ARMC3: variants seen among roughly 807,000 people sequenced by gnomAD.
ARMC3 encodes armadillo repeat-containing protein 3.
A neutral mutation model predicts 90.3 loss-of-function variants in ARMC3; 74 were observed. The ratio of observed to expected loss-of-function variants is 0.82; its 90% confidence interval spans 0.68 to 0.99. The LOEUF is 0.99. Among genes scored for constraint, ARMC3 ranks in the 50% least tolerant of loss-of-function variants. The pLI is 0.00. For missense variants in ARMC3, 958 were observed against 1,042.8 expected (o/e 0.92, Z 1.12); for synonymous variants, 334 against 361.8 (o/e 0.92, Z 0.87).
intron 10 of ARMC3, among the ~76,000 whole-genome samples, chr10:22,990,997 T>A (rs909541304): frequency 3.3e-5 from 5 of 152,028 alleles, no homozygotes; most frequent in African/African-American, 1.2e-4. Context: ...TGCCTCCTCC[T>A]CTCTGCTTCC....
intron 7 of ARMC3, among the ~76,000 whole-genome samples, chr10:22,964,751 T>G (rs77223754): frequency 1.4e-3 from 178 of 129,390 alleles, no homozygotes; most frequent in African/African-American, 6.5e-3. Context: ...CCCCGTAGTG[T>G]TTTTTTTTTT....
At chr10:22,962,877 T>C (rs1289648446) in intron 7 of ARMC3, among the ~76,000 whole-genome samples, 1 of 152,220 alleles carries the variant, frequency 6.6e-6, no homozygotes, top group African/African-American at 2.4e-5. Flanking sequence ...GGCACAAGCA[T>C]GTTCCCAGCC....
At chr10:22,943,701 G>T (rs376085289) in intron 2 of ARMC3, among the ~76,000 whole-genome samples, 7 of 152,084 alleles carry the variant, frequency 4.6e-5, no homozygotes, top group African/African-American at 1.7e-4. Context: ...GGGAGGCTGA[G>T]GCAGGTGGAT....
Position 22,981,375 on chromosome 10 carries a change from GAA to G in ARMC3, c.955_956del (p.Lys319ValfsTer9). 1 of 1,611,030 alleles carries G rather than the reference GAA, an allele frequency of 6.2e-7. No homozygotes were observed. Among genetic ancestry groups the G allele is most frequent in the Non-Finnish European group, 8.5e-7 (1 of 1,179,222 alleles). On this transcript the variant is annotated frameshift_variant, in exon 9 of 19. Transcript: ENST00000298032. LOFTEE classifies it high-confidence loss of function. ...AAAACTTTTTCATGAACAAGAGGTTGAAAAGTGCCTTGTAGCCCTTTTGGGTT... is the reference window on the plus strand; with the variant it reads ...AAAACTTTTTCATGAACAAGAGGTTGAAGTGCCTTGTAGCCCTTTTGGGTT... ...NRKLFHEQEV[E>X]KCLVALLGSE...
At position 22,956,851 on chromosome 10, in the gene ARMC3, T is replaced by G. The variant is rs73600582; in HGVS notation, c.292+919T>G. Reference sequence around the variant, plus strand: ...AATAACGTATTAGTATCATATAATATGATGGTATAATATTAGTTAAAAGAT... The same window carrying G: ...AATAACGTATTAGTATCATATAATAGGATGGTATAATATTAGTTAAAAGAT... On this transcript the variant is annotated intron_variant, in intron 4 of 18. Coordinates refer to ENST00000298032, the MANE Select transcript of ARMC3 (RefSeq NM_173081.5). Among the ~76,000 whole-genome samples the G allele has an allele frequency of 3.7e-3, 561 of 149,938 alleles. 3 individuals are homozygous for G. The highest frequency in any genetic ancestry group is 0.012 in the African/African-American group (474 of 41,104).
At chr10:23,023,231 C>A (rs547562963) in intron 16 of ARMC3, among the ~76,000 whole-genome samples, 16 of 152,230 alleles carry the variant, frequency 1.1e-4, no homozygotes, top group African/African-American at 3.6e-4. Flanking sequence ...CCAGGAGGGA[C>A]CAGTGGGAGT....
chr10:22,941,561 G>C (rs1413935513), intron 2 of ARMC3, among the ~76,000 whole-genome samples: 2 of 152,118 alleles, frequency 1.3e-5, no homozygotes, highest in African/African-American at 4.8e-5. Flanking sequence ...ACTTAATAGG[G>C]ATTCAATAAA....
intron 2 of ARMC3, among the ~76,000 whole-genome samples, chr10:22,932,352 G>T (rs937072462): frequency 1.3e-5 from 2 of 152,122 alleles, no homozygotes; most frequent in Non-Finnish European, 2.9e-5. Flanking sequence ...ATTTACATTT[G>T]CCAGCCTCTC....
chr10:23,004,436 G>T (rs1225919491), intron 13 of ARMC3, among the ~76,000 whole-genome samples: 2 of 149,430 alleles, frequency 1.3e-5, no homozygotes, highest in African/African-American at 4.9e-5. Context: ...AAAGGAAAAG[G>T]AAAAAAAAAA....
At chr10:22,934,956 G>A (rs1834057814) in intron 2 of ARMC3, among the ~76,000 whole-genome samples, 2 of 152,286 alleles carry the variant, frequency 1.3e-5, no homozygotes, top group South Asian at 4.1e-4. Context: ...CTGGTGTGTG[G>A]CCATCATGAT....
intron 10 of ARMC3, among the ~76,000 whole-genome samples, chr10:22,987,828 T>C (rs999949323): frequency 6.6e-6 from 1 of 152,240 alleles, no homozygotes; most frequent in Non-Finnish European, 1.5e-5. Flanking sequence ...ATGACAGCAG[T>C]GACCCAAGAA....
intron 7 of ARMC3, among the ~76,000 whole-genome samples, chr10:22,964,691 T>C (rs1289521757): frequency 6.6e-6 from 1 of 151,996 alleles, no homozygotes; most frequent in Non-Finnish European, 1.5e-5. Flanking sequence ...TCCTCCTGCC[T>C]TGGCTTCCCA....
At chr10:23,008,400 T>G in intron 15 of ARMC3, 26 bp downstream of exon 15, 1 of 1,202,496 alleles carries the variant, frequency 8.3e-7, no homozygotes, top group Non-Finnish European at 1.2e-6. Flanking sequence ...TTTATCTGTA[T>G]GCAAACAGCT....
chr10:22,944,685 T>C (rs1834456995), intron 2 of ARMC3, among the ~76,000 whole-genome samples: 1 of 152,208 alleles, frequency 6.6e-6, no homozygotes, highest in Non-Finnish European at 1.5e-5. Flanking sequence ...ATTCTGGGGC[T>C]ACCCTTTAAT....
chr10:22,941,085 G>A (rs566166163), intron 2 of ARMC3, among the ~76,000 whole-genome samples: 70 of 152,166 alleles, frequency 4.6e-4, no homozygotes, highest in African/African-American at 1.3e-3. Context: ...TGAAAGAAGC[G>A]TACACAAAGG....
chr10:23,011,587 TG>T (rs1838015085), intron 16 of ARMC3, among the ~76,000 whole-genome samples: 1 of 152,158 alleles, frequency 6.6e-6, no homozygotes, highest in Admixed American at 6.5e-5. Context: ...ATGGGACAGG[TG>T]ACAACTGCAG....
rs1019093008 is a variant in ARMC3 at position 23,001,980 on chromosome 10, T to C, written c.1487T>C (p.Val496Ala). 4 of 1,613,738 alleles carry C rather than the reference T, an allele frequency of 2.5e-6. No individual in the cohort carries two copies. In the African/African-American group the frequency reaches 5.3e-5, roughly 22 times the overall value. The part of the protein sequence containing the change: ...VELLRSKNDE[V>A]RKHASWAVMV... Reference sequence around the variant, plus strand: ...CTGCTACGCTCCAAGAATGATGAAGTGAGGAAGCACGCCAGTTGGGCAGTG... The same window carrying C: ...CTGCTACGCTCCAAGAATGATGAAGCGAGGAAGCACGCCAGTTGGGCAGTG... Residue 496 changes from valine (V) to alanine (A), a missense_variant, in exon 12 of 19, where the codon GTG becomes GCG. Physicochemically the swap from Val to Ala is moderately conservative, Grantham distance 64. Coordinates refer to ENST00000298032, the MANE Select transcript of ARMC3 (RefSeq NM_173081.5).
intron 10 of ARMC3, among the ~76,000 whole-genome samples, chr10:22,993,645 C>T (rs1836813508): frequency 6.6e-6 from 1 of 152,168 alleles, no homozygotes; most frequent in Admixed American, 6.5e-5. Context: ...CAAATATTAC[C>T]TCTAAGAGGT....
chr10:23,017,779 A>G (rs1838341911), intron 16 of ARMC3, among the ~76,000 whole-genome samples: 1 of 152,212 alleles, frequency 6.6e-6, no homozygotes, highest in African/African-American at 2.4e-5. Context: ...AAACAAAACA[A>G]AACAAAACAA....
Sources: gnomAD v4.1 joint callset for allele counts (sites outside exome capture counted in the v4.1 genomes callset) on GRCh38, gnomAD v4.1.1 for gene constraint, MANE v1.5 for transcripts, NCBI Gene and HGNC (gene_info 2026-07-23, HGNC 2026-07-21) for gene names.